Variants in LRP1B observed in about 807,000 individuals in gnomAD.
The protein encoded by LRP1B is LDL receptor related protein 1B, also known as low-density lipoprotein receptor-related protein 1B.
Under a neutral mutation model 556.6 loss-of-function variants are expected in LRP1B, and 217 were observed. The observed-to-expected ratio is 0.39, with a 90% CI of 0.35 to 0.44. The LOEUF (loss-of-function observed/expected upper bound fraction) is 0.44, where lower values mean the gene tolerates loss of function less well. Among genes scored for constraint, LRP1B ranks in the 20% least tolerant of loss-of-function variants. The pLI is 1.00. For missense variants in LRP1B, 5,053 were observed against 5,620.8 expected (o/e 0.90, Z 3.23); for synonymous variants, 2,047 against 1,865.8 (o/e 1.10, Z -2.50).
chr2:140,530,687 T>C (rs1035083513), intron 47 of LRP1B, among the ~76,000 whole-genome samples: 3 of 152,148 alleles, frequency 2.0e-5, no homozygotes, highest in Admixed American at 6.6e-5. Flanking sequence ...ATAAAGTATA[T>C]GCTTGTGTTT....
chr2:140,463,613 G>C (rs1330479037), intron 60 of LRP1B, among the ~76,000 whole-genome samples: 1 of 152,090 alleles, frequency 6.6e-6, no homozygotes, highest in Non-Finnish European at 1.5e-5. Flanking sequence ...GAACATGAAG[G>C]ATGGCCAACA....
intron 3 of LRP1B, among the ~76,000 whole-genome samples, chr2:141,464,584 G>GTATATATATATATATATATATATA (rs1236041290): frequency 1.1e-3 from 99 of 88,286 alleles, no homozygotes; most frequent in Non-Finnish European, 1.5e-3. Flanking sequence ...GGCTAATTTT[G>GTATATATATATATATATATATATA]TATATATATA....
intron 37 of LRP1B, among the ~76,000 whole-genome samples, chr2:140,713,052 A>G (rs971448319): frequency 1.3e-5 from 2 of 151,968 alleles, no homozygotes; most frequent in Non-Finnish European, 2.9e-5. Flanking sequence ...GTAACCTCGT[A>G]CACTATCGCA....
intron 84 of LRP1B, among the ~76,000 whole-genome samples, chr2:140,287,034 T>C (rs899153487): frequency 2.0e-5 from 3 of 151,794 alleles, no homozygotes; most frequent in Admixed American, 6.6e-5. Flanking sequence ...ATATATTTAC[T>C]TCAGATAGTT....
At chr2:141,687,322 T>C (rs1463799398) in intron 2 of LRP1B, among the ~76,000 whole-genome samples, 1 of 151,976 alleles carries the variant, frequency 6.6e-6, no homozygotes, top group Non-Finnish European at 1.5e-5. Flanking sequence ...TCTGACTTTA[T>C]AATCATTACC....
chr2:140,497,528 GA>G (rs1327526803), intron 55 of LRP1B, among the ~76,000 whole-genome samples: 3 of 151,382 alleles, frequency 2.0e-5, no homozygotes, highest in Non-Finnish European at 4.4e-5. Flanking sequence ...TAAAAAAAAA[GA>G]AAATGAGAAA....
At chr2:141,015,284 G>A (rs759414687) in intron 13 of LRP1B, among the ~76,000 whole-genome samples, 1 of 151,992 alleles carries the variant, frequency 6.6e-6, no homozygotes, top group Non-Finnish European at 1.5e-5. Flanking sequence ...AAGTTTCAAT[G>A]TCACCAAGTT....
At chr2:141,474,192 C>T (rs1056145368) in intron 3 of LRP1B, among the ~76,000 whole-genome samples, 14 of 143,476 alleles carry the variant, frequency 9.8e-5, no homozygotes, top group Admixed American at 8.4e-4. Flanking sequence ...AAAATAACAG[C>T]ACAGATAAAT....
chr2:141,415,841 A>G (rs1691080374), intron 3 of LRP1B, among the ~76,000 whole-genome samples: 1 of 152,244 alleles, frequency 6.6e-6, no homozygotes. Context: ...TGTAATAAAG[A>G]AAGTTCTCAA....
At chr2:141,530,453 G>T (rs560628662) in intron 2 of LRP1B, among the ~76,000 whole-genome samples, 1 of 152,128 alleles carries the variant, frequency 6.6e-6, no homozygotes, top group South Asian at 2.1e-4. Context: ...ACTTGAATAT[G>T]TATTCATTCT....
At chr2:141,713,628 T>C (rs1490162251) in intron 2 of LRP1B, among the ~76,000 whole-genome samples, 4 of 152,190 alleles carry the variant, frequency 2.6e-5, no homozygotes, top group Non-Finnish European at 5.9e-5. Context: ...ATTACCCTAG[T>C]AAATTGCCAA....
chr2:141,585,330 A>G lies in LRP1B; in HGVS notation c.206-104797T>C, dbSNP rs189563599. 3.3e-3 allele frequency among the ~76,000 whole-genome samples: 507 copies of G among 152,214 alleles called. 1 individual carries two copies. Among genetic ancestry groups the G allele is most frequent in the Non-Finnish European group, 5.8e-3 (392 of 68,014 alleles). ...TAATTGAATAAGCCTGTCATGAAGG[A>G]TCCTTGTAAAAGAAAACCCTTATTC... On this transcript the variant is annotated intron_variant, in intron 2 of 90. Transcript: ENST00000389484.
chr2:141,664,020 C>A (rs770370967), intron 2 of LRP1B, among the ~76,000 whole-genome samples: 1 of 151,884 alleles, frequency 6.6e-6, no homozygotes, highest in African/African-American at 2.4e-5. Flanking sequence ...CCAAATCCAG[C>A]AGCACATCAA....
chr2:140,532,217 C>T (rs1025306474), intron 47 of LRP1B, among the ~76,000 whole-genome samples: 3 of 152,074 alleles, frequency 2.0e-5, no homozygotes, highest in Non-Finnish European at 4.4e-5. Flanking sequence ...TAACACAATC[C>T]TATTCTTTTC....
At chr2:140,840,895 T>C in intron 30 of LRP1B, 23 bp downstream of exon 30, 1 of 1,410,204 alleles carries the variant, frequency 7.1e-7, no homozygotes, top group Non-Finnish European at 9.2e-7. Context: ...TGGAAAAACT[T>C]TAAAAAAAAA....
At chr2:141,037,367 A>G (rs1558816390) in intron 11 of LRP1B, among the ~76,000 whole-genome samples, 1 of 152,090 alleles carries the variant, frequency 6.6e-6, no homozygotes, top group African/African-American at 2.4e-5. Context: ...GTGAACCTCT[A>G]AAATAGGAAG....
intron 20 of LRP1B, among the ~76,000 whole-genome samples, chr2:140,929,756 TCACACACACACACACACACA>T (rs3063648): frequency 7.2e-6 from 1 of 139,236 alleles, no homozygotes; most frequent in Non-Finnish European, 1.5e-5. Flanking sequence ...TCATATAGAC[TCACACACACACACACACACA>T]CACACACACA....
chr2:141,295,861 T>C (rs548382810), intron 3 of LRP1B, among the ~76,000 whole-genome samples: 1 of 151,864 alleles, frequency 6.6e-6, no homozygotes, highest in African/African-American at 2.4e-5. Context: ...AGAAGACCTC[T>C]TTCAAAGTAT....
intron 7 of LRP1B, among the ~76,000 whole-genome samples, chr2:141,133,288 C>CTTT: frequency 1.8e-5 from 1 of 57,074 alleles, no homozygotes; most frequent in African/African-American, 4.4e-5. Flanking sequence ...CCTGTAACGT[C>CTTT]TCTTTTTTTT....
Sources: allele counts gnomAD v4.1 joint callset (sites outside exome capture counted in the v4.1 genomes callset), GRCh38; gene constraint gnomAD v4.1.1; transcripts MANE v1.5; gene names NCBI Gene and HGNC (gene_info 2026-07-23, HGNC 2026-07-21).